Variants in F11 observed in about 807,000 individuals in gnomAD.
The protein encoded by F11 is coagulation factor XI.
A neutral mutation model predicts 76.5 loss-of-function variants in F11; 78 were observed. That is an observed-to-expected ratio of 1.02 (90% CI 0.85 to 1.23). The LOEUF (loss-of-function observed/expected upper bound fraction) is 1.23. F11 is among the 50% of genes most tolerant of loss of function. The pLI is 0.00. For synonymous variants in F11, 278 were observed against 276.3 expected (o/e 1.01, Z -0.06); for missense variants, 742 against 771.4 (o/e 0.96, Z 0.45).
At chr4:186,276,438 T>C (rs1448616682) in intron 7 of F11, 48 bp downstream of exon 7, 16 of 1,597,500 alleles carry the variant, frequency 1.0e-5, no homozygotes, top group African/African-American at 1.3e-5. Flanking sequence ...TAAAAATAGC[T>C]GATCAAAATC....
intron 3 of F11, among the ~76,000 whole-genome samples, chr4:186,272,379 A>T (rs978577359): frequency 2.6e-5 from 4 of 152,218 alleles, no homozygotes; most frequent in Non-Finnish European, 4.4e-5. Flanking sequence ...ATATTATTTC[A>T]GTTTTCCCTC....
Position 186,286,461 on chromosome 4 carries a change from A to G in F11, c.1527A>G (p.Val509=). ...TGCCTTCCAAAGGAGATAGAAATGT[A>G]ATATACACTGATTGCTGGGTGACTG... is the stretch of plus-strand genomic sequence containing the variant. ...ICLPSKGDRN[V]IYTDCWVTGW... is the part of the protein sequence containing the mutation. The change falls in exon 13 of 15, where the codon GTA becomes GTG. Residue 509 remains valine (V), a synonymous_variant. Coordinates refer to ENST00000403665, the MANE Select transcript of F11 (RefSeq NM_000128.4). 1 of 1,614,052 alleles carries G rather than the reference A, an allele frequency of 6.2e-7. No individual in the cohort carries two copies. The highest frequency in any genetic ancestry group is 8.5e-7 in the Non-Finnish European group (1 of 1,179,950).
chr4:186,266,827 G>T (rs1270704456), intron 1 of F11, among the ~76,000 whole-genome samples: 3 of 152,128 alleles, frequency 2.0e-5, no homozygotes, highest in Admixed American at 6.5e-5. Context: ...GCGGTCAGAT[G>T]GTGGCCATGA....
intron 7 of F11, 23 bp from the exon 8 acceptor site, chr4:186,279,989 T>G: frequency 1.3e-6 from 2 of 1,558,758 alleles, no homozygotes; most frequent in Non-Finnish European, 1.8e-6. Context: ...GATATATTTC[T>G]ACTTCCCTTT....
intron 2 of F11, among the ~76,000 whole-genome samples, chr4:186,267,755 C>T (rs921850483): frequency 6.6e-6 from 1 of 152,128 alleles, no homozygotes; most frequent in Admixed American, 6.5e-5. Context: ...AAAGCTGAAG[C>T]ATTCCTTTAG....
intron 3 of F11, among the ~76,000 whole-genome samples, chr4:186,272,560 AT>A (rs1740058429): frequency 6.6e-6 from 1 of 152,176 alleles, no homozygotes; most frequent in African/African-American, 2.4e-5. Context: ...CAACATCTTT[AT>A]TATTGCTACA....
intron 3 of F11, 77 bp downstream of exon 3, chr4:186,271,848 C>A: frequency 6.7e-7 from 1 of 1,486,278 alleles, no homozygotes; most frequent in Non-Finnish European, 9.4e-7. Context: ...TTCCATCTAA[C>A]ATTTTATAAA....
chr4:186,278,051 G>A (rs1224881602), intron 7 of F11, among the ~76,000 whole-genome samples: 1 of 152,164 alleles, frequency 6.6e-6, no homozygotes, highest in South Asian at 2.1e-4. Context: ...CACCTGCCTT[G>A]GTCTCCCACA....
chr4:186,287,627 T>C, intron 13 of F11, 57 bp from the exon 14 acceptor site: 1 of 1,122,434 alleles, frequency 8.9e-7, no homozygotes, highest in South Asian at 1.3e-5. Flanking sequence ...TATGCATATA[T>C]GTTTATGTGT....
At chr4:186,274,521 A>G in intron 5 of F11, 1 of 530,558 alleles carries the variant, frequency 1.9e-6, no homozygotes, top group Non-Finnish European at 3.4e-6. Context: ...GCTAATTTCA[A>G]AAGCGCTACA....
chr4:186,274,637 C>T, intron 5 of F11: 1 of 302,950 alleles, frequency 3.3e-6, no homozygotes. Flanking sequence ...AAAACCTACT[C>T]TCTCTCTCTC....
At position 186,288,710 on chromosome 4, in the gene F11, A is replaced by G. The variant is rs962180834; in HGVS notation, c.*96A>G. 9.6e-6 allele frequency: 13 copies of G among 1,360,072 alleles called. No individual in the cohort carries two copies. In the Admixed American group the frequency reaches 9.8e-5, roughly 10 times the overall value. 84.3% of individuals were successfully genotyped at this position (1,360,072 alleles called of 1,614,324 possible). A position where few individuals can be genotyped will look rare whatever the true frequency, so the allele number is the denominator to read the frequency against. ...GTGCCAGCATGCTTCCTCCACAGTA[A>G]CACGCTGAAGGGGCTTGGTGTTTGT... On this transcript the variant is annotated 3_prime_UTR_variant, in exon 15 of 15. Transcript: ENST00000403665.
chr4:186,276,346 G>GT lies in F11; in HGVS notation c.717dup (p.Thr240TyrfsTer19), dbSNP rs1192998631. On this transcript the variant is annotated frameshift_variant, in exon 7 of 15. Transcript: ENST00000403665. LOFTEE classifies it high-confidence loss of function. The stretch of plus-strand genomic sequence containing the variant: ...TCTGCACTCATCATCCCGGTTGCTT[G>GT]TTTTTTACCTTCTTTTCCCAGGAAT... The GT allele has an allele frequency of 1.2e-6, 2 of 1,613,932 alleles. No individual in the cohort carries two copies. Among genetic ancestry groups the GT allele is most frequent in the Non-Finnish European group, 1.7e-6 (2 of 1,180,004 alleles).
intron 7 of F11, among the ~76,000 whole-genome samples, chr4:186,279,122 C>T (rs895044132): frequency 6.6e-5 from 10 of 152,170 alleles, no homozygotes; most frequent in Non-Finnish European, 1.3e-4. Flanking sequence ...CAGTGGCTCA[C>T]GCCTGTAATC....
chr4:186,275,764 T>C (rs1740314203), intron 5 of F11, 23 bp from the exon 6 acceptor site: 1 of 1,547,126 alleles, frequency 6.5e-7, no homozygotes, highest in African/African-American at 1.4e-5. Context: ...AATAAGACAC[T>C]TTTCCTTTTT....
chr4:186,267,405 C>T (rs1409880851), intron 2 of F11, among the ~76,000 whole-genome samples: 1 of 152,046 alleles, frequency 6.6e-6, no homozygotes, highest in East Asian at 1.9e-4. Context: ...ATATGTGTAC[C>T]ATATCTACAT....
chr4:186,282,590 A>G, intron 10 of F11: 2 of 985,424 alleles, frequency 2.0e-6, no homozygotes, highest in African/African-American at 3.5e-5. Flanking sequence ...ACAGCATAGG[A>G]TGAACCTCAA....
Position 186,267,154 on chromosome 4 carries a change from A to G in F11, c.18A>G (p.Gln6=). MIFLY[Q]VVHFILFTSV... ...ATTGTAGGATGATTTTCTTATATCA[A>G]GTGGTACATTTCATTTTATTTACTT... The change falls in exon 2 of 15, where the codon CAA becomes CAG. Residue 6 remains glutamine, a synonymous_variant. Coordinates refer to ENST00000403665, the MANE Select transcript of F11 (RefSeq NM_000128.4). The G allele has an allele frequency of 1.3e-6, 2 of 1,580,342 alleles. No individual in the cohort carries two copies. The highest frequency in any genetic ancestry group is 1.7e-6 in the Non-Finnish European group (2 of 1,149,210).
At chr4:186,282,232 T>C (rs896780475) in intron 10 of F11, 6 of 985,288 alleles carry the variant, frequency 6.1e-6, no homozygotes, top group African/African-American at 5.2e-5. Flanking sequence ...GTTTTCTCTG[T>C]TGGATTTATA....
Sources: allele counts gnomAD v4.1 joint callset (sites outside exome capture counted in the v4.1 genomes callset), GRCh38; gene constraint gnomAD v4.1.1; transcripts MANE v1.5; gene names NCBI Gene and HGNC (gene_info 2026-07-23, HGNC 2026-07-21).